Variants in DLG2 observed in about 807,000 individuals in gnomAD.
DLG2 encodes discs large MAGUK scaffold protein 2, also known as disks large homolog 2.
A neutral mutation model predicts 132.5 loss-of-function variants in DLG2; 45 were observed. The observed-to-expected ratio is 0.34, with a 90% confidence interval of 0.27 to 0.44. The LOEUF is 0.44. Ranked by LOEUF, DLG2 falls within the 20% of genes least tolerant of loss-of-function variation. DLG2 has a pLI of 1.00. For missense variants in DLG2, 1,045 were observed against 1,196.9 expected (o/e 0.87, Z 1.87); for synonymous variants, 424 against 419.6 (o/e 1.01, Z -0.13).
intron 19 of DLG2, among the ~76,000 whole-genome samples, chr11:83,549,619 C>T (rs1209381845): frequency 6.6e-6 from 1 of 152,114 alleles, no homozygotes; most frequent in Non-Finnish European, 1.5e-5. Flanking sequence ...TTCTTCAAAA[C>T]ATTTTCTCAC....
At chr11:84,798,267 T>C (rs563467948) in intron 6 of DLG2, among the ~76,000 whole-genome samples, 1 of 152,256 alleles carries the variant, frequency 6.6e-6, no homozygotes, top group African/African-American at 2.4e-5. Context: ...GTGTGACAAG[T>C]TGCTCTAGGC....
At chr11:84,620,941 A>G (rs2099612763) in intron 6 of DLG2, among the ~76,000 whole-genome samples, 1 of 152,196 alleles carries the variant, frequency 6.6e-6, no homozygotes, top group South Asian at 2.1e-4. Flanking sequence ...GAATCAAAGT[A>G]TCTGTTAGCA....
intron 3 of DLG2, among the ~76,000 whole-genome samples, chr11:85,423,386 A>T (rs1236014027): frequency 6.6e-6 from 1 of 152,152 alleles, no homozygotes; most frequent in Non-Finnish European, 1.5e-5. Flanking sequence ...GGTTTAATGC[A>T]CTATATTTTG....
At chr11:84,277,245 A>C (rs926978647) in intron 7 of DLG2, among the ~76,000 whole-genome samples, 27 of 152,374 alleles carry the variant, frequency 1.8e-4, no homozygotes, top group African/African-American at 6.0e-4. Context: ...ACCTTTATAG[A>C]ATATTTTACT....
intron 9 of DLG2, among the ~76,000 whole-genome samples, chr11:84,110,814 A>T (rs1014958184): frequency 1.3e-5 from 2 of 152,196 alleles, no homozygotes; most frequent in Admixed American, 6.5e-5. Context: ...TGTGAAGCAC[A>T]TCCTCATGAC....
At chr11:84,131,562 T>G (rs1399274426) in intron 9 of DLG2, among the ~76,000 whole-genome samples, 2 of 151,962 alleles carry the variant, frequency 1.3e-5, no homozygotes, top group Non-Finnish European at 2.9e-5. Context: ...AGTCAAGTAT[T>G]AGGGCACTAG....
chr11:84,504,426 C>G (rs1250184005), intron 7 of DLG2, among the ~76,000 whole-genome samples: 3 of 152,072 alleles, frequency 2.0e-5, no homozygotes, highest in Admixed American at 2.0e-4. Context: ...TAATGGCATC[C>G]CTTTTATTAT....
chr11:83,730,703 G>T (rs1412705713), intron 18 of DLG2, among the ~76,000 whole-genome samples: 1 of 152,112 alleles, frequency 6.6e-6, no homozygotes, highest in Non-Finnish European at 1.5e-5. Flanking sequence ...TGCTCGCTGT[G>T]CCTGAAGAGA....
At chr11:85,365,754 T>C (rs2084498443) in intron 3 of DLG2, among the ~76,000 whole-genome samples, 2 of 152,104 alleles carry the variant, frequency 1.3e-5, no homozygotes, top group African/African-American at 4.8e-5. Context: ...TATGCAGCCA[T>C]AAAGAAGGAT....
intron 6 of DLG2, among the ~76,000 whole-genome samples, chr11:84,611,038 C>CACACAA (rs1412007055): frequency 6.6e-6 from 1 of 150,990 alleles, no homozygotes; most frequent in Non-Finnish European, 1.5e-5. Context: ...CACACACACA[C>CACACAA]ACACACACAC....
intron 8 of DLG2, among the ~76,000 whole-genome samples, chr11:84,247,957 T>A (rs2097324293): frequency 6.6e-6 from 1 of 152,234 alleles, no homozygotes; most frequent in Admixed American, 6.5e-5. Context: ...GAAGGAAATG[T>A]TCTTACGCAA....
intron 6 of DLG2, among the ~76,000 whole-genome samples, chr11:84,643,617 C>G (rs1244523204): frequency 1.3e-5 from 2 of 152,188 alleles, no homozygotes; most frequent in Non-Finnish European, 2.9e-5. Context: ...TCTTACAAAG[C>G]AGAGATTTCA....
chr11:84,640,016 G>T, intron 6 of DLG2: 1 of 261,550 alleles, frequency 3.8e-6, no homozygotes, highest in South Asian at 5.5e-5. Context: ...TCAGCAATCA[G>T]ACTGTCGGCA....
At chr11:85,118,838 G>A (rs1020349520) in intron 5 of DLG2, among the ~76,000 whole-genome samples, 2 of 151,152 alleles carry the variant, frequency 1.3e-5, no homozygotes, top group South Asian at 2.1e-4. Flanking sequence ...TCCATAAAGT[G>A]GAAAAAATAA....
intron 4 of DLG2, among the ~76,000 whole-genome samples, chr11:85,206,173 C>T (rs930659224): frequency 4.6e-5 from 7 of 152,126 alleles, no homozygotes; most frequent in Admixed American, 2.0e-4. Context: ...GAAGTGCTGG[C>T]TCCCCCTTCG....
chr11:83,947,558 C>T (rs1245204287), intron 14 of DLG2, among the ~76,000 whole-genome samples: 1 of 152,128 alleles, frequency 6.6e-6, no homozygotes, highest in East Asian at 1.9e-4. Flanking sequence ...GGAAGCCAGT[C>T]CTATAATGAC....
At chr11:85,465,192 A>G (rs868525655) in intron 3 of DLG2, among the ~76,000 whole-genome samples, 13 of 139,584 alleles carry the variant, frequency 9.3e-5, no homozygotes, top group African/African-American at 3.4e-4. Context: ...ACCCAGGGTT[A>G]ATTGTCGTGG....
intron 17 of DLG2, among the ~76,000 whole-genome samples, chr11:83,799,638 TG>T (rs1196910945): frequency 6.6e-6 from 1 of 152,028 alleles, no homozygotes; most frequent in Non-Finnish European, 1.5e-5. Flanking sequence ...AGATTGAAAA[TG>T]GGAAATGGGG....
intron 6 of DLG2, among the ~76,000 whole-genome samples, chr11:84,826,598 C>T (rs868339019): frequency 4.3e-4 from 66 of 151,944 alleles, no homozygotes; most frequent in Middle Eastern, 3.4e-3. Flanking sequence ...TTAACTTGAA[C>T]ATTTATGCCC....
Sources: gnomAD v4.1 joint callset for allele counts (sites outside exome capture counted in the v4.1 genomes callset) on GRCh38, gnomAD v4.1.1 for gene constraint, MANE v1.5 for transcripts, NCBI Gene and HGNC (gene_info 2026-07-23, HGNC 2026-07-21) for gene names.